Variants in CDYL observed in about 807,000 individuals in gnomAD.
CDYL encodes chromodomain Y like.
Under a neutral mutation model 47.3 loss-of-function variants are expected in CDYL, and 8 were observed. The observed-to-expected ratio is 0.17, with a 90% CI of 0.10 to 0.31. CDYL has a LOEUF of 0.31. CDYL is among the 10% of genes least tolerant of loss of function. The pLI is 1.00. For missense variants in CDYL, 471 were observed against 701.4 expected, an observed-to-expected ratio of 0.67 and a Z score of 3.71; for synonymous variants, 266 against 265.0, an observed-to-expected ratio of 1.00 and a Z score of -0.04.
intron 1 of CDYL, among the ~76,000 whole-genome samples, chr6:4,797,249 T>C (rs996410972): frequency 6.6e-6 from 1 of 152,192 alleles, no homozygotes; most frequent in Non-Finnish European, 1.5e-5. Context: ...ATCTGTAATC[T>C]TACCCTCCAC....
At chr6:4,777,029 G>T (rs975279543) in intron 1 of CDYL, among the ~76,000 whole-genome samples, 6 of 149,562 alleles carry the variant, frequency 4.0e-5, no homozygotes, top group South Asian at 4.2e-4. Context: ...GGGGTGGGGG[G>T]GGGGGTCCCA....
chr6:4,728,139 G>A (rs945093976), intron 2 of CDYL, among the ~76,000 whole-genome samples: 2 of 152,304 alleles, frequency 1.3e-5, no homozygotes, highest in South Asian at 2.1e-4. Context: ...TCTTCAGAGT[G>A]TTATCACTCC....
chr6:4,794,065 T>C (rs1759003491), intron 1 of CDYL, among the ~76,000 whole-genome samples: 1 of 152,078 alleles, frequency 6.6e-6, no homozygotes. Context: ...TTTTAGGAGT[T>C]ATCCATGTAG....
At chr6:4,888,509 G>A (rs1011691826) in intron 1 of CDYL, among the ~76,000 whole-genome samples, 1 of 152,132 alleles carries the variant, frequency 6.6e-6, no homozygotes, top group African/African-American at 2.4e-5. Flanking sequence ...CCTGGTATTA[G>A]AAATGTGGAT....
intron 1 of CDYL, among the ~76,000 whole-genome samples, chr6:4,880,479 G>T (rs1761735164): frequency 1.3e-5 from 2 of 152,140 alleles, no homozygotes; most frequent in Non-Finnish European, 2.9e-5. Flanking sequence ...GCTATTATGA[G>T]TAATGCTACT....
chr6:4,833,022 A>G (rs1760192904), intron 1 of CDYL, among the ~76,000 whole-genome samples: 1 of 150,640 alleles, frequency 6.6e-6, no homozygotes, highest in South Asian at 2.1e-4. Context: ...TCAAAAAACC[A>G]GCTCCTGGAT....
intron 1 of CDYL, among the ~76,000 whole-genome samples, chr6:4,815,329 TAAG>T (rs1056591906): frequency 6.6e-5 from 10 of 152,188 alleles, no homozygotes; most frequent in Non-Finnish European, 1.5e-4. Flanking sequence ...TTTTGGAACT[TAAG>T]AATATTTTGT....
chr6:4,850,062 C>G (rs1760778734), intron 1 of CDYL, among the ~76,000 whole-genome samples: 1 of 152,138 alleles, frequency 6.6e-6, no homozygotes, highest in Non-Finnish European at 1.5e-5. Context: ...ACATGTTCAA[C>G]ATACTTCATA....
At position 4,722,828 on chromosome 6, in the gene CDYL, G is replaced by A. The variant is rs185319194; in HGVS notation, c.103+6947G>A. Among the ~76,000 whole-genome samples the A allele has an allele frequency of 9.2e-5, 14 of 152,308 alleles. No homozygotes were observed. The South Asian group carries it at 1.9e-3, about 20-fold the overall frequency. On this transcript the variant is annotated intron_variant, in intron 2 of 8. Coordinates refer to the CDYL transcript ENST00000328908. ...GGGGGCAGAGGTTGCAATGAGCCAA[G>A]ATCGTGCCACCGTACTCCAGCCTGG...
intron 2 of CDYL, among the ~76,000 whole-genome samples, chr6:4,923,248 C>T (rs935624686): frequency 7.2e-5 from 11 of 152,188 alleles, no homozygotes; most frequent in Non-Finnish European, 1.5e-4. Flanking sequence ...TTCCCAGCCT[C>T]TAGTAACCAC....
chr6:4,865,985 GAC>G (rs1761308543), intron 1 of CDYL, among the ~76,000 whole-genome samples: 1 of 152,126 alleles, frequency 6.6e-6, no homozygotes, highest in Non-Finnish European at 1.5e-5. Flanking sequence ...AAATACAAGA[GAC>G]ATTCAAATTT....
rs139385647 is a variant in CDYL at position 4,927,856 on chromosome 6, T to C, written c.692-7659T>C. 3.9e-4 allele frequency among the ~76,000 whole-genome samples: 59 copies of C among 152,394 alleles called. 1 individual carries two copies. In the East Asian group the frequency reaches 0.011, roughly 28 times the overall value. ...AGCTTTTTCCTTTCCTTTTTATGTTTAAGCTCTTCTCCGTCTAGAAACTTT... is the reference window on the plus strand; with the variant it reads ...AGCTTTTTCCTTTCCTTTTTATGTTCAAGCTCTTCTCCGTCTAGAAACTTT... On this transcript the variant is annotated intron_variant, in intron 2 of 6. Coordinates refer to ENST00000397588, the MANE Select transcript of CDYL (RefSeq NM_004824.4).
chr6:4,786,638 C>T (rs1290670479), intron 1 of CDYL, among the ~76,000 whole-genome samples: 1 of 152,102 alleles, frequency 6.6e-6, no homozygotes, highest in African/African-American at 2.4e-5. Flanking sequence ...GTTTTTATCT[C>T]GAGTCTCGCT....
chr6:4,940,295 T>C (rs1357624204), intron 4 of CDYL, among the ~76,000 whole-genome samples: 3 of 152,264 alleles, frequency 2.0e-5, no homozygotes, highest in African/African-American at 4.8e-5. Flanking sequence ...TTTTCCTTAA[T>C]GTAGTCTGGC....
intron 2 of CDYL, among the ~76,000 whole-genome samples, chr6:4,897,326 G>A (rs1352766273): frequency 6.6e-6 from 1 of 152,228 alleles, no homozygotes; most frequent in Admixed American, 6.5e-5. Flanking sequence ...AACAGACCTA[G>A]TAGGAAAATG....
chr6:4,893,795 TG>T (rs1762120471), intron 2 of CDYL, among the ~76,000 whole-genome samples: 1 of 152,224 alleles, frequency 6.6e-6, no homozygotes, highest in South Asian at 2.1e-4. Flanking sequence ...GGTGTTGGTT[TG>T]TTTGGGGAGC....
intron 2 of CDYL, chr6:4,715,950 T>C: frequency 6.4e-7 from 1 of 1,556,942 alleles, no homozygotes; most frequent in Middle Eastern, 1.7e-4. Context: ...CCCCTTTTAT[T>C]TAAAAATGAT....
chr6:4,756,316 C>T (rs971235058), intron 3 of CDYL, among the ~76,000 whole-genome samples: 21 of 152,264 alleles, frequency 1.4e-4, no homozygotes, highest in African/African-American at 4.8e-4. Context: ...ATAAAATTCA[C>T]TCCACTCTTT....
chr6:4,837,024 G>A (rs1307946482), intron 1 of CDYL, among the ~76,000 whole-genome samples: 2 of 152,192 alleles, frequency 1.3e-5, no homozygotes, highest in Non-Finnish European at 2.9e-5. Context: ...GTGTTCACCT[G>A]TATATCCCCA....
Sources: allele counts gnomAD v4.1 joint callset (sites outside exome capture counted in the v4.1 genomes callset), GRCh38; gene constraint gnomAD v4.1.1; transcripts MANE v1.5; gene names NCBI Gene and HGNC (gene_info 2026-07-23, HGNC 2026-07-21).